The following ZMYM4 variants were observed in gnomAD, a reference collection of about 807,000 sequenced individuals.
ZMYM4 encodes zinc finger MYM-type protein 4.
Under a neutral mutation model 183.2 loss-of-function variants are expected in ZMYM4, and 31 were observed. The ratio of observed to expected loss-of-function variants is 0.17; its 90% CI spans 0.13 to 0.23. The LOEUF (loss-of-function observed/expected upper bound fraction) is 0.23, where lower values mean the gene tolerates loss of function less well. Among genes scored for constraint, ZMYM4 ranks in the 10% least tolerant of loss-of-function variants. ZMYM4 has a pLI of 1.00. For synonymous variants in ZMYM4, 592 were observed against 631.2 expected, an observed-to-expected ratio of 0.94 and a Z score of 0.93; for missense variants, 1,273 against 1,840.3, an observed-to-expected ratio of 0.69 and a Z score of 5.64.
Position 35,363,587 on chromosome 1 carries a change from C to T in ZMYM4, c.840+1798C>T, listed in dbSNP as rs555540788. On this transcript the variant is annotated intron_variant, in intron 5 of 29. Transcript: ENST00000314607. The stretch of plus-strand genomic sequence containing the variant: ...TGCTCAGTTAGCATGAATTCCATGA[C>T]GTTCAGTGGAAGTTGGATGTGTTAG... 3.9e-5 allele frequency among the ~76,000 whole-genome samples: 6 copies of T among 152,116 alleles called. No homozygotes were observed. The South Asian group carries it at 6.2e-4, about 16-fold the overall frequency.
At chr1:35,352,269 GCA>G (rs56011152) in intron 2 of ZMYM4, among the ~76,000 whole-genome samples, 6,269 of 124,508 alleles carry the variant, frequency 0.05, 282 homozygotes, top group Non-Finnish European at 0.061. Flanking sequence ...ACGCGCGCGC[GCA>G]CACACACACA....
rs201360397 is a variant in ZMYM4 at position 35,283,326 on chromosome 1, C to CTTTTTTTTTTTT, written c.39+14259_39+14270dup. Reference sequence around the variant, plus strand: ...TGTCCTAGTGGGTGTGAAGTGGTATCTTTTTTTTTTTTTTTTTTTTTTTTT... The same window carrying CTTTTTTTTTTTT: ...TGTCCTAGTGGGTGTGAAGTGGTATCTTTTTTTTTTTTTTTTTTTTTTTTTTTTTTTTTTTTT... On this transcript the variant is annotated intron_variant, in intron 1 of 29. Coordinates refer to ENST00000314607, the MANE Select transcript of ZMYM4 (RefSeq NM_005095.3). 3.5e-5 allele frequency among the ~76,000 whole-genome samples: 2 copies of CTTTTTTTTTTTT among 56,770 alleles called. 1 individual carries two copies. The highest frequency in any genetic ancestry group is 1.9e-4 in the African/African-American group (2 of 10,506). The allele number at this position is 56,770 out of a possible 152,430, so 37.2% of individuals were successfully genotyped here. A position where few individuals can be genotyped will look rare whatever the true frequency, so the allele number is the denominator to read the frequency against.
chr1:35,393,082 T>C (rs1644740782), intron 17 of ZMYM4, among the ~76,000 whole-genome samples: 1 of 152,202 alleles, frequency 6.6e-6, no homozygotes, highest in Admixed American at 6.5e-5. Flanking sequence ...CCCATTAATA[T>C]TTTCTGCTTT....
At chr1:35,347,731 G>A (rs1397279566) in intron 2 of ZMYM4, among the ~76,000 whole-genome samples, 1 of 152,022 alleles carries the variant, frequency 6.6e-6, no homozygotes, top group Non-Finnish European at 1.5e-5. Context: ...ATGCTTATGG[G>A]CCTAAAGATT....
At chr1:35,374,002 A>G (rs1461181767) in intron 7 of ZMYM4, among the ~76,000 whole-genome samples, 1 of 119,992 alleles carries the variant, frequency 8.3e-6, no homozygotes, top group Admixed American at 8.5e-5. Context: ...GTATTCCAGT[A>G]TGTTCATCAT....
At chr1:35,296,767 AT>A (rs1302139181) in intron 1 of ZMYM4, among the ~76,000 whole-genome samples, 1 of 151,270 alleles carries the variant, frequency 6.6e-6, no homozygotes, top group African/African-American at 2.4e-5. Flanking sequence ...ATCCAACCAG[AT>A]ATTCCCATTT....
chr1:35,275,922 C>T (rs555137077), intron 1 of ZMYM4, among the ~76,000 whole-genome samples: 1 of 152,296 alleles, frequency 6.6e-6, no homozygotes, highest in East Asian at 1.9e-4. Flanking sequence ...CATACCTATA[C>T]CCACTTTCTT....
chr1:35,352,386 GCACACACACACACACA>G (rs374281470), intron 2 of ZMYM4, among the ~76,000 whole-genome samples: 1 of 128,394 alleles, frequency 7.8e-6, no homozygotes, highest in Non-Finnish European at 1.7e-5. Context: ...AAAAATTAGC[GCACACACACACACACA>G]CACACACACA....
intron 1 of ZMYM4, among the ~76,000 whole-genome samples, chr1:35,297,524 G>C (rs1308201470): frequency 6.6e-6 from 1 of 151,970 alleles, no homozygotes; most frequent in African/African-American, 2.4e-5. Context: ...ATCTTGAAAG[G>C]TCTCTCTTTC....
chr1:35,418,062 A>C (rs537639785), intron 28 of ZMYM4, among the ~76,000 whole-genome samples: 82 of 152,244 alleles, frequency 5.4e-4, no homozygotes, highest in Admixed American at 9.8e-4. Context: ...GTAGGAGAAA[A>C]ACATGTGGAA....
chr1:35,308,822 C>T (rs1325098411), intron 1 of ZMYM4, among the ~76,000 whole-genome samples: 1 of 152,162 alleles, frequency 6.6e-6, no homozygotes, highest in Non-Finnish European at 1.5e-5. Flanking sequence ...GATCATGCCA[C>T]TGCACTCCAG....
At chr1:35,361,552 G>T (rs1380758896) in intron 4 of ZMYM4, 67 bp from the exon 5 acceptor site, 1 of 1,521,770 alleles carries the variant, frequency 6.6e-7, no homozygotes, top group Non-Finnish European at 8.9e-7. Context: ...TTTTCTTTGG[G>T]TGTTAAACCT....
intron 21 of ZMYM4, 128 bp from the exon 22 acceptor site, chr1:35,398,736 G>A (rs1644851168): frequency 2.1e-6 from 2 of 943,722 alleles, no homozygotes; most frequent in African/African-American, 1.7e-5. Context: ...TCATTCTTGA[G>A]TGTACCTAGG....
At position 35,380,312 on chromosome 1, in the gene ZMYM4, TA is replaced by T. The variant is rs1315977872; in HGVS notation, c.1182-946del. 3.3e-5 allele frequency among the ~76,000 whole-genome samples: 5 copies of T among 151,578 alleles called. No individual in the cohort carries two copies. The East Asian group carries it at 9.6e-4, about 29-fold the overall frequency. On this transcript the variant is annotated intron_variant, in intron 7 of 29. Coordinates refer to ENST00000314607, the MANE Select transcript of ZMYM4 (RefSeq NM_005095.3). ...AATTGGTTTTTATTATTTATTTATTTATTTTATTTATTTATTTATTTATTTA... is the reference window on the plus strand; with the variant it reads ...AATTGGTTTTTATTATTTATTTATTTTTTTATTTATTTATTTATTTATTTA...
In ZMYM4 at chr1:35,352,269, G is replaced by GCGCGCACA. The variant is rs1366886543; in HGVS notation, c.86-6655_86-6654insGCGCACAC. On this transcript the variant is annotated intron_variant, in intron 2 of 29. Transcript: ENST00000314607. ...TAAAAATTAGCGCGCACGCGCGCGCGCACACACACACACACACACACACAC... is the reference window on the plus strand; with the variant it reads ...TAAAAATTAGCGCGCACGCGCGCGCGCGCGCACACACACACACACACACACACACACAC... Among the ~76,000 whole-genome samples the GCGCGCACA allele has an allele frequency of 2.1e-3, 260 of 124,578 alleles. 4 individuals carry two copies. Among genetic ancestry groups the GCGCGCACA allele is most frequent in the African/African-American group, 8.4e-3 (253 of 30,106 alleles). The allele number at this position is 124,578 out of a possible 152,430, so 81.7% of individuals were successfully genotyped here.
At chr1:35,349,374 G>A (rs1643513603) in intron 2 of ZMYM4, among the ~76,000 whole-genome samples, 1 of 152,122 alleles carries the variant, frequency 6.6e-6, no homozygotes. Flanking sequence ...GCTTTTGTAT[G>A]TCTCAAGTAA....
intron 1 of ZMYM4, among the ~76,000 whole-genome samples, chr1:35,318,847 A>G (rs998922131): frequency 6.6e-6 from 1 of 152,026 alleles, no homozygotes; most frequent in Non-Finnish European, 1.5e-5. Context: ...TAGTTATACA[A>G]TATTTTTTCA....
intron 25 of ZMYM4, among the ~76,000 whole-genome samples, chr1:35,406,736 C>G (rs1436130958): frequency 6.6e-6 from 1 of 152,136 alleles, no homozygotes; most frequent in African/African-American, 2.4e-5. Context: ...GGTCGGTGCT[C>G]TCATGAGATA....
At chr1:35,290,023 G>A (rs1211708722) in intron 1 of ZMYM4, among the ~76,000 whole-genome samples, 3 of 150,580 alleles carry the variant, frequency 2.0e-5, no homozygotes, top group Middle Eastern at 3.5e-3. Context: ...GCTGGAGTGC[G>A]GTGGTGCGAT....
Sources: gnomAD v4.1 joint callset for allele counts (sites outside exome capture counted in the v4.1 genomes callset) on GRCh38, gnomAD v4.1.1 for gene constraint, MANE v1.5 for transcripts, NCBI Gene and HGNC (gene_info 2026-07-23, HGNC 2026-07-21) for gene names.